The following TSC22D2 variants were observed in gnomAD, a reference collection of about 807,000 sequenced individuals.
The protein encoded by TSC22D2 is TSC22 domain family protein 2.
A neutral mutation model predicts 50.1 loss-of-function variants in TSC22D2; 5 were observed. The ratio of observed to expected loss-of-function variants is 0.10; its 90% CI spans 0.05 to 0.21. The LOEUF is 0.21. Among genes scored for constraint, TSC22D2 ranks in the 10% least tolerant of loss-of-function variants. The pLI, the probability that TSC22D2 is intolerant of heterozygous loss-of-function variation, is 1.00. For synonymous variants in TSC22D2, 501 were observed against 450.1 expected, an observed-to-expected ratio of 1.11 and a Z score of -1.43; for missense variants, 1,003 against 1,015.5, an observed-to-expected ratio of 0.99 and a Z score of 0.17.
intron 1 of TSC22D2, chr3:150,423,566 T>C (rs1390612705): frequency 1.3e-5 from 2 of 152,274 alleles, no homozygotes; most frequent in East Asian, 3.8e-4. Flanking sequence ...AATCATTGTT[T>C]AATTTTTGGC....
At chr3:150,443,734 A>G (rs946696342) in intron 1 of TSC22D2, among the ~76,000 whole-genome samples, 3 of 152,142 alleles carry the variant, frequency 2.0e-5, no homozygotes, top group African/African-American at 7.2e-5. Flanking sequence ...ATTTTGATTC[A>G]GTAGAGAGTG....
At chr3:150,419,977 G>A (rs1390524807) in intron 1 of TSC22D2, among the ~76,000 whole-genome samples, 1 of 152,138 alleles carries the variant, frequency 6.6e-6, no homozygotes, top group Non-Finnish European at 1.5e-5. Context: ...TATTTCTTGA[G>A]TGGAAGAGAA....
At chr3:150,456,184 T>TG (rs951661826) in intron 1 of TSC22D2, among the ~76,000 whole-genome samples, 4 of 146,410 alleles carry the variant, frequency 2.7e-5, no homozygotes, top group African/African-American at 1.1e-4. Flanking sequence ...CTTTTTGTTT[T>TG]TTTTTTTTTT....
intron 1 of TSC22D2, among the ~76,000 whole-genome samples, chr3:150,428,265 G>T (rs143301667): frequency 2.6e-5 from 4 of 152,104 alleles, no homozygotes; most frequent in African/African-American, 7.2e-5. Flanking sequence ...GGACTCTTTC[G>T]TATCACATAT....
chr3:150,410,613 G>A lies in TSC22D2; in HGVS notation c.1263G>A (p.Ser421=), dbSNP rs759606407. The change falls in exon 1 of 3, where the codon TCG becomes TCA. Residue 421 remains serine, a synonymous_variant. Transcript: ENST00000688009. ...TGGGCACCGGCCAGAATGCTTCCTC[G>A]GTGGGCGCGCAGCTCATGGGCGCGT... is the stretch of plus-strand genomic sequence containing the variant. ...LPVGTGQNAS[S]VGAQLMGASS... 21 of 1,556,916 alleles carry A rather than the reference G, an allele frequency of 1.3e-5. No homozygotes were observed. Among genetic ancestry groups the A allele is most frequent in the Non-Finnish European group, 1.7e-5 (20 of 1,152,752 alleles).
chr3:150,450,170 T>C (rs1720999643), intron 1 of TSC22D2, among the ~76,000 whole-genome samples: 1 of 152,120 alleles, frequency 6.6e-6, no homozygotes, highest in Admixed American at 6.5e-5. Context: ...GGCTAGCCAT[T>C]TGACTGAAAT....
chr3:150,431,480 A>C (rs1247736145), intron 1 of TSC22D2, among the ~76,000 whole-genome samples: 2 of 152,132 alleles, frequency 1.3e-5, no homozygotes, highest in African/African-American at 2.4e-5. Context: ...TAGGTTCACC[A>C]ATTATACTTA....
intron 1 of TSC22D2, chr3:150,438,214 C>T: frequency 2.4e-6 from 1 of 420,914 alleles, no homozygotes; most frequent in Non-Finnish European, 4.9e-6. Flanking sequence ...TTTTAGAATT[C>T]AGCATCGGAG....
intron 1 of TSC22D2, chr3:150,423,535 A>AC (rs1427609941): frequency 3.3e-5 from 5 of 152,344 alleles, no homozygotes; most frequent in African/African-American, 1.2e-4. Flanking sequence ...TGGAGGAGGA[A>AC]CAAGACCAAG....
chr3:150,427,477 T>C (rs1437825722), intron 1 of TSC22D2, among the ~76,000 whole-genome samples: 1 of 152,164 alleles, frequency 6.6e-6, no homozygotes, highest in Non-Finnish European at 1.5e-5. Flanking sequence ...GTTGTAGATG[T>C]GGACTATATA....
Position 150,466,078 on chromosome 3 carries a change from G to A in TSC22D2, c.*7442G>A, listed in dbSNP as rs1272074502. ...GTATTAAGTATCAATGAAAAAGAGAGAGTCCTACATGTCCGGCATGGAAGG... is the reference window on the plus strand; with the variant it reads ...GTATTAAGTATCAATGAAAAAGAGAAAGTCCTACATGTCCGGCATGGAAGG... On this transcript the variant is annotated 3_prime_UTR_variant, in exon 3 of 3. Transcript: ENST00000688009. 1 of 152,116 alleles carries A rather than the reference G, an allele frequency of 6.6e-6. No individual in the cohort carries two copies. The allele number at this position is 152,116 out of a possible 1,614,324, so 9.4% of individuals were successfully genotyped here.
chr3:150,456,639 C>G (rs369985447), intron 1 of TSC22D2, among the ~76,000 whole-genome samples: 1 of 151,678 alleles, frequency 6.6e-6, no homozygotes, highest in African/African-American at 2.4e-5. Flanking sequence ...AAAAAAAAGT[C>G]AAGCCATCAT....
At chr3:150,411,447 TTA>T in intron 1 of TSC22D2, 139 bp downstream of exon 1, 1 of 909,244 alleles carries the variant, frequency 1.1e-6, no homozygotes, top group Non-Finnish European at 1.6e-6. Context: ...TAAAATTGAT[TTA>T]GATTGCTGAT....
In TSC22D2 at chr3:150,459,652, T is replaced by C. The variant is rs1178942432; in HGVS notation, c.*1016T>C. On this transcript the variant is annotated 3_prime_UTR_variant, in exon 3 of 3. Transcript: ENST00000688009. ...TATTTAGTGTTTTCTCAGTCACAAT[T>C]TTCTTTACTGTCTAGCATGATCTGC... The C allele has an allele frequency of 6.6e-6, 1 of 151,414 alleles. No homozygotes were observed. Among genetic ancestry groups the C allele is most frequent in the Non-Finnish European group, 1.5e-5 (1 of 67,760 alleles). The allele number at this position is 151,414 out of a possible 1,614,324, so 9.4% of individuals were successfully genotyped here.
At chr3:150,426,029 C>G (rs571269150) in intron 1 of TSC22D2, among the ~76,000 whole-genome samples, 1 of 152,288 alleles carries the variant, frequency 6.6e-6, no homozygotes, top group South Asian at 2.1e-4. Context: ...TCTTCCTTTC[C>G]CTTTTTCTGT....
Position 150,464,968 on chromosome 3 carries a change from G to T in TSC22D2, c.*6332G>T, listed in dbSNP as rs894926276. The T allele has an allele frequency of 1.3e-5, 2 of 152,128 alleles. No individual in the cohort carries two copies. The highest frequency in any genetic ancestry group is 4.8e-5 in the African/African-American group (2 of 41,422). The allele number at this position is 152,128 out of a possible 1,614,324, so 9.4% of individuals were successfully genotyped here. ...CTTATTATCTTGGCTGACAAAATCA[G>T]CTACCATTTAATGAACCAAGTTAAG... On this transcript the variant is annotated 3_prime_UTR_variant, in exon 3 of 3. Coordinates refer to ENST00000688009, the MANE Select transcript of TSC22D2 (RefSeq NM_001303264.2).
chr3:150,442,942 T>C (rs1276239780), intron 1 of TSC22D2, among the ~76,000 whole-genome samples: 2 of 152,208 alleles, frequency 1.3e-5, no homozygotes, highest in Non-Finnish European at 2.9e-5. Context: ...CTATGTGTTA[T>C]AAAATAAGGT....
chr3:150,438,477 A>C (rs1393466175), intron 1 of TSC22D2: 3 of 156,286 alleles, frequency 1.9e-5, no homozygotes, highest in Non-Finnish European at 4.3e-5. Flanking sequence ...TAAAACTTGG[A>C]ATTTTAAATA....
chr3:150,418,492 C>T (rs1221786157), intron 1 of TSC22D2, among the ~76,000 whole-genome samples: 1 of 151,898 alleles, frequency 6.6e-6, no homozygotes, highest in Non-Finnish European at 1.5e-5. Flanking sequence ...TACCTCTGTC[C>T]TCCAGCCACC....
Sources: gnomAD v4.1 joint callset for allele counts (sites outside exome capture counted in the v4.1 genomes callset) on GRCh38, gnomAD v4.1.1 for gene constraint, MANE v1.5 for transcripts, NCBI Gene and HGNC (gene_info 2026-07-23, HGNC 2026-07-21) for gene names.